ZNF358: variants seen among roughly 807,000 people sequenced by gnomAD.
The protein encoded by ZNF358 is zinc finger protein 358.
Under a neutral mutation model 2.1 loss-of-function variants are expected in ZNF358, and 1 was observed. That is an observed-to-expected ratio of 0.49 (90% confidence interval 0.17 to 2.30). The LOEUF is 2.30. Among genes scored for constraint, ZNF358 ranks in the 30% most tolerant of loss-of-function variants. The pLI, the probability that ZNF358 is intolerant of heterozygous loss-of-function variation, is 0.26. For missense variants in ZNF358, 665 were observed against 806.8 expected, an observed-to-expected ratio of 0.82 and a Z score of 2.13; for synonymous variants, 381 against 359.7, an observed-to-expected ratio of 1.06 and a Z score of -0.67.
chr19:7,515,072 G>T (rs922085267), upstream of ZNF358, among the ~76,000 whole-genome samples: 13 of 152,166 alleles, frequency 8.5e-5, no homozygotes, highest in Non-Finnish European at 1.5e-4. Context: ...GGTAAGAAGT[G>T]GCAGTCATTT....
Position 7,520,957 on chromosome 19 carries a change from G to C in ZNF358, c.*8G>C, listed in dbSNP as rs540814351. ...CTGGGGCCTGATGGCTGAAGGAGAC[G>C]CCGGCATCCTCGGGGGCCTGGGGAA... On this transcript the variant is annotated 3_prime_UTR_variant, in exon 2 of 2. Coordinates refer to ENST00000597229, the MANE Select transcript of ZNF358 (RefSeq NM_018083.5). This position sits in a 1 kb window ranked among gnomAD's most constrained non-coding sequence, Gnocchi z 6.0. The C allele has an allele frequency of 2.6e-5, 42 of 1,610,226 alleles. No homozygotes were observed. The African/African-American group carries it at 4.9e-4, about 19-fold the overall frequency.
In ZNF358 at chr19:7,520,954, G is replaced by A; in HGVS notation, c.*5G>A. Reference sequence around the variant, plus strand: ...CTGCTGGGGCCTGATGGCTGAAGGAGACGCCGGCATCCTCGGGGGCCTGGG... The same window carrying A: ...CTGCTGGGGCCTGATGGCTGAAGGAAACGCCGGCATCCTCGGGGGCCTGGG... On this transcript the variant is annotated 3_prime_UTR_variant, in exon 2 of 2. Transcript: ENST00000597229. The surrounding 1 kb of genome is among the most constrained non-coding windows in gnomAD (Gnocchi z 6.0). 1 of 1,611,018 alleles carries A rather than the reference G, an allele frequency of 6.2e-7. No homozygotes were observed. Among genetic ancestry groups the A allele is most frequent in the Non-Finnish European group, 8.5e-7 (1 of 1,177,944 alleles).
At chr19:7,518,577 A>AAG in intron 1 of ZNF358, among the ~76,000 whole-genome samples, 1 of 144,596 alleles carries the variant, frequency 6.9e-6, no homozygotes, top group Middle Eastern at 3.2e-3. Context: ...GAAAGAAAGA[A>AAG]AGAAAGAAAG....
intron 1 of ZNF358, among the ~76,000 whole-genome samples, chr19:7,518,727 C>G (rs902144032): frequency 6.6e-6 from 1 of 152,030 alleles, no homozygotes; most frequent in Non-Finnish European, 1.5e-5. Flanking sequence ...TCACTGCACT[C>G]TAGCCTGGGT....
chr19:7,515,221 G>C (rs146774874), upstream of ZNF358: 47 of 152,288 alleles, frequency 3.1e-4, no homozygotes, highest in African/African-American at 1.1e-3. Flanking sequence ...TATATTTAGT[G>C]GAGAACATCG....
At position 7,520,053 on chromosome 19, in the gene ZNF358, G is replaced by A; in HGVS notation, c.811G>A (p.Gly271Ser). ...RPHKCPVCAK[G>S]FGQGSALLKH... is the part of the protein sequence containing the mutation. ...CCACAAGTGCCCGGTGTGCGCCAAG[G>A]GCTTCGGCCAGGGCTCTGCGCTGCT... The change falls in exon 2 of 2, where the codon GGC becomes AGC. Residue 271 changes from glycine (G) to serine (S), a missense_variant. Transcript: ENST00000597229. This position sits in a 1 kb window ranked among gnomAD's most constrained non-coding sequence, Gnocchi z 6.0. The A allele has an allele frequency of 6.4e-7, 1 of 1,561,174 alleles. No individual in the cohort carries two copies. The highest frequency in any genetic ancestry group is 8.6e-7 in the Non-Finnish European group (1 of 1,161,292).
At chr19:7,518,557 G>GTGAAAGAAAGAA (rs2022384336) in intron 1 of ZNF358, among the ~76,000 whole-genome samples, 1 of 116,066 alleles carries the variant, frequency 8.6e-6, no homozygotes, top group Non-Finnish European at 1.7e-5. Flanking sequence ...GAGAGAGAGA[G>GTGAAAGAAAGAA]AGAAAGAAAG....
intron 1 of ZNF358, among the ~76,000 whole-genome samples, chr19:7,518,641 G>A (rs1477262211): frequency 6.6e-6 from 1 of 151,974 alleles, no homozygotes; most frequent in African/African-American, 2.4e-5. Context: ...TGTAATTCCA[G>A]CTACTTGAGA....
chr19:7,517,347 T>G (rs1234435738), intron 1 of ZNF358, among the ~76,000 whole-genome samples: 1 of 152,082 alleles, frequency 6.6e-6, no homozygotes, highest in Non-Finnish European at 1.5e-5. Context: ...CGTTCCCCCA[T>G]TAACTTCAGA....
At chr19:7,519,085 A>G (rs2022407962) in intron 1 of ZNF358, 120 bp from the exon 2 acceptor site, 8 of 1,172,470 alleles carry the variant, frequency 6.8e-6, no homozygotes, top group Non-Finnish European at 8.9e-6. Flanking sequence ...AAAAAAAAAA[A>G]AAGAAGTGGG....
upstream of ZNF358, among the ~76,000 whole-genome samples, chr19:7,515,585 G>A (rs959631012): frequency 5.9e-5 from 9 of 152,208 alleles, no homozygotes; most frequent in Admixed American, 2.0e-4. Flanking sequence ...GCCTATGTGC[G>A]CTGCAAGTCT....
intron 1 of ZNF358, among the ~76,000 whole-genome samples, chr19:7,518,578 A>AGAAAGAAAGAAAGAAG (rs1491159869): frequency 6.9e-6 from 1 of 144,964 alleles, no homozygotes; most frequent in African/African-American, 2.7e-5. Context: ...AAAGAAAGAA[A>AGAAAGAAAGAAAGAAG]GAAAGAAAGA....
At chr19:7,514,297 C>T (rs1321734786), upstream of ZNF358, among the ~76,000 whole-genome samples, 1 of 152,160 alleles carries the variant, frequency 6.6e-6, no homozygotes, top group Non-Finnish European at 1.5e-5. Context: ...ACATGTGCAT[C>T]TGGAGTAGTG....
intron 1 of ZNF358, among the ~76,000 whole-genome samples, chr19:7,517,228 GC>G (rs139102175): frequency 0.017 from 2,623 of 152,150 alleles, 78 homozygotes; most frequent in African/African-American, 0.06. Flanking sequence ...CTCCCAGTCT[GC>G]CCCTAGCCAC....
rs764819195 is a variant in ZNF358 at position 7,520,767 on chromosome 19, A to G, written c.1525A>G (p.Ser509Gly). ...CGACGCTGGTCCCGACCTTGTGCCCAGCCCAGACCTTGATCCTGTGCCCAG... is the reference window on the plus strand; with the variant it reads ...CGACGCTGGTCCCGACCTTGTGCCCGGCCCAGACCTTGATCCTGTGCCCAG... ...GHDAGPDLVP[S>G]PDLDPVPSPD... Residue 509 changes from serine (S) to glycine (G), a missense_variant, in exon 2 of 2, where the codon AGC becomes GGC. Ser to Gly is a moderately conservative substitution (Grantham distance 56). Coordinates refer to ENST00000597229, the MANE Select transcript of ZNF358 (RefSeq NM_018083.5). This position sits in a 1 kb window ranked among gnomAD's most constrained non-coding sequence, Gnocchi z 6.0. 2.5e-6 allele frequency: 4 copies of G among 1,613,556 alleles called. No individual in the cohort carries two copies. The highest frequency in any genetic ancestry group is 1.6e-4 in the Middle Eastern group (1 of 6,084).
chr19:7,519,931 G>C lies in ZNF358; in HGVS notation c.689G>C (p.Ser230Thr). ...CTGCTGAAACATCGCAGCAGCCACAGCGGGGAGAAGCCGCACCACTGCCCG... is the reference window on the plus strand; with the variant it reads ...CTGCTGAAACATCGCAGCAGCCACACCGGGGAGAAGCCGCACCACTGCCCG... ...STLLKHRSSH[S>T]GEKPHHCPVC... The change falls in exon 2 of 2, where the codon AGC becomes ACC. Residue 230 changes from serine (S) to threonine (T), a missense_variant. Physicochemically the swap from Ser to Thr is moderately conservative, Grantham distance 58. This residue lies in a region of ZNF358 where 210 missense variants were observed against 350.8 expected (regional missense o/e 0.60). Coordinates refer to ENST00000597229, the MANE Select transcript of ZNF358 (RefSeq NM_018083.5). 6.6e-7 allele frequency: 1 copy of C among 1,524,618 alleles called. No individual in the cohort carries two copies. Among genetic ancestry groups the C allele is most frequent in the Non-Finnish European group, 8.8e-7 (1 of 1,141,418 alleles). 94.4% of individuals were successfully genotyped at this position (1,524,618 alleles called of 1,614,324 possible).
Position 7,519,394 on chromosome 19 carries a change from A to G in ZNF358, c.152A>G (p.Asn51Ser). The change falls in exon 2 of 2, where the codon AAC becomes AGC. Residue 51 changes from asparagine to serine, a missense_variant. Transcript: ENST00000597229. ...CCAGAGCCTGATCCTGAAGACCTCA[A>G]CACTGTCCCGGAAGACGTGGACCCC... ...EDPEPDPEDL[N>S]TVPEDVDPSY... 1 of 1,614,042 alleles carries G rather than the reference A, an allele frequency of 6.2e-7. No individual in the cohort carries two copies. The highest frequency in any genetic ancestry group is 8.5e-7 in the Non-Finnish European group (1 of 1,180,024).
chr19:7,517,221 C>T (rs1328723794), intron 1 of ZNF358, among the ~76,000 whole-genome samples: 6 of 151,848 alleles, frequency 4.0e-5, no homozygotes, highest in Non-Finnish European at 2.9e-5. Context: ...CCTCTACCTC[C>T]CAGTCTGCCC....
chr19:7,521,010 C>G lies in ZNF358; in HGVS notation c.*61C>G. On this transcript the variant is annotated 3_prime_UTR_variant, in exon 2 of 2. Coordinates refer to ENST00000597229, the MANE Select transcript of ZNF358 (RefSeq NM_018083.5). Reference sequence around the variant, plus strand: ...TGTGTGTTGTGCAGTCAGTAAAATCCTCCCACTGCCTCCGGGCTCTGTGTC... The same window carrying G: ...TGTGTGTTGTGCAGTCAGTAAAATCGTCCCACTGCCTCCGGGCTCTGTGTC... The G allele has an allele frequency of 6.4e-7, 1 of 1,564,318 alleles. No individual in the cohort carries two copies. The highest frequency in any genetic ancestry group is 1.2e-5 in the South Asian group (1 of 83,578).
Sources: allele counts gnomAD v4.1 joint callset (sites outside exome capture counted in the v4.1 genomes callset), GRCh38; gene constraint gnomAD v4.1.1; regional missense constraint gnomAD v4.1.1; non-coding constraint Gnocchi (gnomAD v3.1); transcripts MANE v1.5; gene names NCBI Gene and HGNC (gene_info 2026-07-23, HGNC 2026-07-21).